MESP1: variants seen among roughly 807,000 people sequenced by gnomAD.
MESP1 encodes mesoderm posterior bHLH transcription factor 1, also known as mesoderm posterior protein 1.
In MESP1, 22 loss-of-function variants were observed where a neutral mutation model predicts 15.2. The ratio of observed to expected loss-of-function variants is 1.45; its 90% CI spans 1.04 to 2.07. The LOEUF (loss-of-function observed/expected upper bound fraction) is 2.07, where lower values mean the gene tolerates loss of function less well. Ranked by LOEUF, MESP1 falls within the 30% of genes most tolerant of loss-of-function variation. MESP1 has a pLI of 0.00. For synonymous variants in MESP1, 216 were observed against 192.6 expected (o/e 1.12, Z -1.01); for missense variants, 484 against 411.9 (o/e 1.17, Z -1.51).
At chr15:89,737,827 G>A in the MESP1 span, 1 of 1,532,832 alleles carries the variant, frequency 6.5e-7, no homozygotes, top group Non-Finnish European at 8.9e-7. Context: ...CCCACTCTGT[G>A]TCCCCCTCTA....
At chr15:89,748,282 G>A (rs886738709), downstream of MESP1, among the ~76,000 whole-genome samples, 10 of 152,204 alleles carry the variant, frequency 6.6e-5, no homozygotes, top group African/African-American at 1.9e-4. Context: ...TGGGACAGAG[G>A]AGCAGGAAAG....
the MESP1 span, among the ~76,000 whole-genome samples, chr15:89,737,226 G>T: frequency 1.3e-5 from 2 of 152,218 alleles, no homozygotes; most frequent in African/African-American, 4.8e-5. Flanking sequence ...GAGGCAGTGG[G>T]AAGGAAAGGC....
At chr15:89,746,796 CACACACACACAGCCCCACCTCCACAA>C (rs1967969375), downstream of MESP1, among the ~76,000 whole-genome samples, 1 of 146,948 alleles carries the variant, frequency 6.8e-6, no homozygotes, top group Admixed American at 6.7e-5. Flanking sequence ...TCCCCACACA[CACACACACACAGCCCCACCTCCACAA>C]ACACACAGCC....
At chr15:89,743,174 C>T in the MESP1 span, 1 of 946,872 alleles carries the variant, frequency 1.1e-6, no homozygotes, top group Non-Finnish European at 1.7e-6. Flanking sequence ...AGAGGCGATG[C>T]AGGTGTGTCC....
the MESP1 span, among the ~76,000 whole-genome samples, chr15:89,744,835 C>T: frequency 6.6e-6 from 1 of 152,222 alleles, no homozygotes; most frequent in Non-Finnish European, 1.5e-5. Context: ...ATTCCCCCTT[C>T]AGGCAGGCCT....
chr15:89,735,472 A>G, the MESP1 span: 1 of 1,613,498 alleles, frequency 6.2e-7, no homozygotes, highest in Non-Finnish European at 8.5e-7. Context: ...GAATGTCTGT[A>G]TATTTTCTGT....
At chr15:89,742,626 C>G in the MESP1 span, among the ~76,000 whole-genome samples, 3 of 152,294 alleles carry the variant, frequency 2.0e-5, no homozygotes, top group Admixed American at 2.0e-4. Context: ...CTCCATCTCC[C>G]AGATTCAAGC....
At chr15:89,742,441 C>T in the MESP1 span, among the ~76,000 whole-genome samples, 829 of 152,260 alleles carry the variant, frequency 5.4e-3, 8 homozygotes, top group African/African-American at 0.019. Context: ...GCTAAGCGTG[C>T]CCGTCTCTGT....
chr15:89,738,067 A>G, the MESP1 span: 550 of 1,613,250 alleles, frequency 3.4e-4, 1 homozygote, highest in African/African-American at 6.3e-3. Context: ...AACTGCGTCC[A>G]CCGACGATGC....
chr15:89,738,053 A>C, the MESP1 span: 1 of 1,611,056 alleles, frequency 6.2e-7, no homozygotes, highest in Non-Finnish European at 8.5e-7. Flanking sequence ...GACTATTCAC[A>C]TGAAACTGCG....
the MESP1 span, chr15:89,738,002 G>A: frequency 1.5e-5 from 24 of 1,560,268 alleles, no homozygotes; most frequent in Admixed American, 3.7e-5. Context: ...CTGAGAAAGC[G>A]ATTGTTACAC....
At chr15:89,743,939 G>A in the MESP1 span, among the ~76,000 whole-genome samples, 2 of 152,240 alleles carry the variant, frequency 1.3e-5, no homozygotes, top group Non-Finnish European at 2.9e-5. Context: ...GGGAGAGGTG[G>A]CAGGCAGGAG....
the MESP1 span, among the ~76,000 whole-genome samples, chr15:89,739,224 T>A: frequency 7.2e-5 from 11 of 152,024 alleles, no homozygotes; most frequent in Non-Finnish European, 1.5e-5. Context: ...GTTTTGTAAA[T>A]AAGGTTTTAT....
At chr15:89,735,560 TCCCCATGCCTCTCTGTAAATG>T in the MESP1 span, 3 of 1,613,194 alleles carry the variant, frequency 1.9e-6, no homozygotes, top group Admixed American at 1.7e-5. Context: ...CATGGTAGGT[TCCCCATGCCTCTCTGTAAATG>T]CCCCATGCCT....
chr15:89,750,920 C>T lies in MESP1; in HGVS notation c.312G>A (p.Glu104=). The change falls in exon 1 of 2, where the codon GAG becomes GAA. Residue 104 remains glutamate, a synonymous_variant. Coordinates refer to ENST00000300057, the MANE Select transcript of MESP1 (RefSeq NM_018670.4). The stretch of plus-strand genomic sequence containing the variant: ...CGGACGGCGGTAGAAAGCGGCGCAG[C>T]TCGTGCAGGGCGCGGGCCAGCGTGC... ...RMRTLARALH[E]LRRFLPPSVA... 1 of 1,481,268 alleles carries T rather than the reference C, an allele frequency of 6.8e-7. No individual in the cohort carries two copies. The allele number at this position is 1,481,268 out of a possible 1,614,324, so 91.8% of individuals were successfully genotyped here.
At chr15:89,747,210 C>T (rs1424422858), downstream of MESP1, among the ~76,000 whole-genome samples, 1 of 152,160 alleles carries the variant, frequency 6.6e-6, no homozygotes, top group African/African-American at 2.4e-5. Context: ...CCACAGTTGG[C>T]CCGTCCCCAG....
Position 89,750,241 on chromosome 15 carries a change from C to A in MESP1, c.724-14G>T, listed in dbSNP as rs765864850. ...GCCCGGAAGGAGCTGTAGGGAGAGA[C>A]GGAACAGCGCAGCCCTCAAGCACTG... On this transcript the variant is annotated splice_polypyrimidine_tract_variant and intron_variant, in intron 1 of 1. Coordinates refer to ENST00000300057, the MANE Select transcript of MESP1 (RefSeq NM_018670.4). 15 of 1,613,230 alleles carry A rather than the reference C, an allele frequency of 9.3e-6. No homozygotes were observed. The highest frequency in any genetic ancestry group is 1.3e-5 in the African/African-American group (1 of 74,666).
downstream of MESP1, among the ~76,000 whole-genome samples, chr15:89,747,027 C>A (rs1182818001): frequency 6.9e-6 from 1 of 144,498 alleles, no homozygotes. Flanking sequence ...ACACACACAG[C>A]CCCACCACAC....
chr15:89,748,961 A>C (rs779491821), downstream of MESP1: 3 of 152,234 alleles, frequency 2.0e-5, no homozygotes, highest in Non-Finnish European at 2.9e-5. Context: ...CACTTGAAGG[A>C]GAGGAGGGGA....
Sources: allele counts gnomAD v4.1 joint callset (sites outside exome capture counted in the v4.1 genomes callset), GRCh38; gene constraint gnomAD v4.1.1; transcripts MANE v1.5; gene names NCBI Gene and HGNC (gene_info 2026-07-23, HGNC 2026-07-21).